The following SLC39A12 variants were observed in gnomAD, a reference collection of about 807,000 sequenced individuals.
The protein encoded by SLC39A12 is solute carrier family 39 member 12, also known as zinc transporter ZIP12.
A neutral mutation model predicts 71.1 loss-of-function variants in SLC39A12; 63 were observed. The ratio of observed to expected loss-of-function variants is 0.89; its 90% CI spans 0.72 to 1.09. The LOEUF (loss-of-function observed/expected upper bound fraction) is 1.09. SLC39A12 is among the 50% of genes least tolerant of loss of function. SLC39A12 has a pLI of 0.00. For synonymous variants in SLC39A12, 351 were observed against 301.3 expected, an observed-to-expected ratio of 1.16 and a Z score of -1.71; for missense variants, 892 against 812.6, an observed-to-expected ratio of 1.10 and a Z score of -1.19.
chr10:18,000,917 T>A, intron 11 of SLC39A12, 92 bp downstream of exon 11: 1 of 1,236,884 alleles, frequency 8.1e-7, no homozygotes. Flanking sequence ...TTTTCTAACC[T>A]ATGACTTAAA....
chr10:18,001,150 G>A lies in SLC39A12; in HGVS notation c.1759+325G>A, dbSNP rs143375154. On this transcript the variant is annotated intron_variant, in intron 11 of 12. Transcript: ENST00000377369. ...GGACTTTAAAATCTGCATATTAAAT[G>A]TGAGAAAAATATTAGGAGGGGAACT... Among the ~76,000 whole-genome samples, 52 of 152,266 alleles carry A rather than the reference G, an allele frequency of 3.4e-4. 2 individuals are homozygous for A. In the East Asian group the frequency reaches 9.5e-3, roughly 28 times the overall value.
intron 4 of SLC39A12, among the ~76,000 whole-genome samples, chr10:17,973,347 G>GATT (rs1015934360): frequency 1.3e-5 from 2 of 152,058 alleles, no homozygotes; most frequent in Non-Finnish European, 2.9e-5. Flanking sequence ...ACCTTCAGGT[G>GATT]ATTATTATTA....
At chr10:17,989,554 G>T (rs1835488263) in intron 7 of SLC39A12, among the ~76,000 whole-genome samples, 1 of 152,146 alleles carries the variant, frequency 6.6e-6, no homozygotes, top group Non-Finnish European at 1.5e-5. Context: ...GGTGCAACAT[G>T]TTACAGAGGA....
intron 4 of SLC39A12, among the ~76,000 whole-genome samples, chr10:17,976,280 T>C (rs919637093): frequency 5.3e-5 from 8 of 152,190 alleles, no homozygotes; most frequent in Admixed American, 3.3e-4. Context: ...TGTAGCTCTT[T>C]GAATATATCA....
chr10:18,033,574 A>T lies in SLC39A12; in HGVS notation c.1948-9131A>T, dbSNP rs1014717904. Among the ~76,000 whole-genome samples, 39 of 141,288 alleles carry T rather than the reference A, an allele frequency of 2.8e-4. No homozygotes were observed. The East Asian group carries it at 7.6e-3, about 28-fold the overall frequency. The allele number at this position is 141,288 out of a possible 152,430, so 92.7% of individuals were successfully genotyped here. ...TTATTAGTCTTGCTAGCGGTCTATC[A>T]ATTTTGTTGATCCTTTCAAAAAACC... On this transcript the variant is annotated intron_variant, in intron 12 of 12. Transcript: ENST00000377369.
At chr10:17,991,971 C>A (rs1288597995) in intron 8 of SLC39A12, among the ~76,000 whole-genome samples, 5 of 151,274 alleles carry the variant, frequency 3.3e-5, no homozygotes, top group Non-Finnish European at 7.4e-5. Context: ...CGCCTGTAAT[C>A]CCAGGTACTA....
rs1554848371 is a variant in SLC39A12 at position 17,961,567 on chromosome 10, G to A, written c.262-14G>A. The A allele has an allele frequency of 3.1e-6, 5 of 1,592,980 alleles. No individual in the cohort carries two copies. The highest frequency in any genetic ancestry group is 4.3e-6 in the Non-Finnish European group (5 of 1,173,290). On this transcript the variant is annotated splice_polypyrimidine_tract_variant and intron_variant, in intron 2 of 12. Coordinates refer to ENST00000377369, the MANE Select transcript of SLC39A12 (RefSeq NM_001145195.2). ...CTTTGTTTCTTTTGTTGTTGTTATT[G>A]TTTTCTTCCACAGTGCTTTGAACCA...
At chr10:17,982,631 A>G (rs1835289870) in intron 6 of SLC39A12, among the ~76,000 whole-genome samples, 3 of 152,218 alleles carry the variant, frequency 2.0e-5, no homozygotes, top group Non-Finnish European at 4.4e-5. Flanking sequence ...CTTCATTAAT[A>G]GTGAGCAGCC....
At chr10:17,998,427 T>G (rs1466855699) in intron 10 of SLC39A12, among the ~76,000 whole-genome samples, 3 of 152,220 alleles carry the variant, frequency 2.0e-5, no homozygotes, top group African/African-American at 7.2e-5. Context: ...TTAAGTTTTT[T>G]TAAATTTCCT....
Position 18,003,176 on chromosome 10 carries a change from T to C in SLC39A12, c.1765T>C (p.Phe589Leu). ...CHEIPHEMGD[F>L]AVLLSSGLSM... ...CCTTTCCTCTTAAACTTCAGGAGAC[T>C]TTGCCGTGCTCTTAAGCTCTGGACT... is the stretch of plus-strand genomic sequence containing the variant. The change falls in exon 12 of 13, where the codon TTT becomes CTT. Residue 589 changes from phenylalanine (F) to leucine (L), a missense_variant. Coordinates refer to ENST00000377369, the MANE Select transcript of SLC39A12 (RefSeq NM_001145195.2). The C allele has an allele frequency of 6.2e-7, 1 of 1,612,100 alleles. No homozygotes were observed. The highest frequency in any genetic ancestry group is 8.5e-7 in the Non-Finnish European group (1 of 1,179,452).
At chr10:17,955,583 T>C (rs1212068784) in intron 2 of SLC39A12, among the ~76,000 whole-genome samples, 2 of 152,326 alleles carry the variant, frequency 1.3e-5, no homozygotes, top group African/African-American at 4.8e-5. Context: ...GGGTTCATGC[T>C]ACAAATTCTA....
intron 2 of SLC39A12, among the ~76,000 whole-genome samples, chr10:17,961,003 C>T (rs1042850397): frequency 6.6e-6 from 1 of 152,064 alleles, no homozygotes; most frequent in Non-Finnish European, 1.5e-5. Context: ...TTGCAGTGTT[C>T]CTTGTATTTC....
rs576244536 is a variant in SLC39A12, at chr10:18,024,227, C to T, written c.1948-18478C>T. 5.9e-5 allele frequency among the ~76,000 whole-genome samples: 9 copies of T among 152,130 alleles called. No homozygotes were observed. In the East Asian group the frequency reaches 1.7e-3, roughly 29 times the overall value. ...ACACTGTGGTTGCAAGAGAGCCTGG[C>T]TTCCCTTCTTGGTGGAGCTAAGACA... is the stretch of plus-strand genomic sequence containing the variant. On this transcript the variant is annotated intron_variant, in intron 12 of 12. Coordinates refer to ENST00000377369, the MANE Select transcript of SLC39A12 (RefSeq NM_001145195.2).
chr10:18,009,364 G>T (rs374549463), intron 12 of SLC39A12, among the ~76,000 whole-genome samples: 5 of 152,124 alleles, frequency 3.3e-5, no homozygotes, highest in African/African-American at 1.2e-4. Context: ...TCCAATTCAT[G>T]CCAAAACAAA....
At position 18,036,788 on chromosome 10, in the gene SLC39A12, A is replaced by AT. The variant is rs1319675306; in HGVS notation, c.1948-5916dup. On this transcript the variant is annotated intron_variant, in intron 12 of 12. Transcript: ENST00000377369. Reference sequence around the variant, plus strand: ...TATATATATATATATATATATATATATATATATTTTTTTTTTTAATGGAAT... The same window carrying AT: ...TATATATATATATATATATATATATATTATATATTTTTTTTTTTAATGGAAT... Among the ~76,000 whole-genome samples, 31 of 17,012 alleles carry AT rather than the reference A, an allele frequency of 1.8e-3. 2 individuals carry two copies. In the South Asian group the frequency reaches 0.02, roughly 11 times the overall value. The allele number at this position is 17,012 out of a possible 152,430, so 11.2% of individuals were successfully genotyped here.
intron 12 of SLC39A12, among the ~76,000 whole-genome samples, chr10:18,013,497 A>T (rs1272819784): frequency 6.6e-6 from 1 of 151,852 alleles, no homozygotes; most frequent in African/African-American, 2.4e-5. Flanking sequence ...CCTCCCAAGT[A>T]GCTGGGACTA....
chr10:18,019,581 T>C (rs1193572729), intron 12 of SLC39A12, among the ~76,000 whole-genome samples: 2 of 152,076 alleles, frequency 1.3e-5, no homozygotes. Flanking sequence ...TTCACTCTTA[T>C]CTCACACATT....
chr10:18,012,028 C>G, intron 12 of SLC39A12, among the ~76,000 whole-genome samples: 1 of 152,066 alleles, frequency 6.6e-6, no homozygotes, highest in East Asian at 1.9e-4. Context: ...GTTAAAACAG[C>G]TATGTTAAGT....
At chr10:18,020,873 C>A (rs183666120) in intron 12 of SLC39A12, among the ~76,000 whole-genome samples, 1 of 152,070 alleles carries the variant, frequency 6.6e-6, no homozygotes, top group Admixed American at 6.5e-5. Flanking sequence ...GATATTAGAC[C>A]TTTGTTAGAT....
Sources: gnomAD v4.1 joint callset for allele counts (sites outside exome capture counted in the v4.1 genomes callset) on GRCh38, gnomAD v4.1.1 for gene constraint, MANE v1.5 for transcripts, NCBI Gene and HGNC (gene_info 2026-07-23, HGNC 2026-07-21) for gene names.